Variants in NLGN4X observed in about 807,000 individuals in gnomAD.
NLGN4X encodes the protein neuroligin-4, X-linked.
NLGN4X carries 3 observed loss-of-function variants against 40.3 expected under a neutral mutation model. The ratio of observed to expected loss-of-function variants is 0.07; its 90% confidence interval spans 0.03 to 0.19. The LOEUF is 0.19. Among genes scored for constraint, NLGN4X ranks in the 10% least tolerant of loss-of-function variants. The pLI is 1.00. For missense variants in NLGN4X, 382 were observed against 708.3 expected, an observed-to-expected ratio of 0.54 and a Z score of 5.23; for synonymous variants, 270 against 306.8, an observed-to-expected ratio of 0.88 and a Z score of 1.25.
chrX:6,113,694 C>CAA (rs749113403), intron 2 of NLGN4X, among the ~76,000 whole-genome samples: 34,221 of 91,474 alleles, frequency 0.37, 5,223 homozygotes, highest in Non-Finnish European at 0.45. Flanking sequence ...GTGCTTGTTT[C>CAA]AAAAAAAAAA....
chrX:5,917,819 C>G (rs1031016688), intron 3 of NLGN4X, among the ~76,000 whole-genome samples: 9 of 112,293 alleles, frequency 8.0e-5, no homozygotes, highest in Non-Finnish European at 1.7e-4. Flanking sequence ...AAATTAGACT[C>G]TGACTCTAAA....
chrX:5,964,521 T>C (rs2034762880), intron 3 of NLGN4X, among the ~76,000 whole-genome samples: 2 of 112,194 alleles, frequency 1.8e-5, no homozygotes, highest in South Asian at 7.4e-4. Context: ...CTCACTTGTT[T>C]TCTGAAACAT....
intron 2 of NLGN4X, among the ~76,000 whole-genome samples, chrX:6,096,066 G>A (rs1421432451): frequency 8.9e-6 from 1 of 112,014 alleles, no homozygotes; most frequent in African/African-American, 3.3e-5. Flanking sequence ...CTGTCTGTAG[G>A]TACAAAATCC....
chrX:6,064,215 G>A (rs1013113644), intron 2 of NLGN4X, among the ~76,000 whole-genome samples: 4 of 110,932 alleles, frequency 3.6e-5, no homozygotes, highest in Non-Finnish European at 5.7e-5. Context: ...AAAGGTTCTT[G>A]CAAAGTTGGG....
At chrX:6,083,633 C>T (rs771208806) in intron 2 of NLGN4X, among the ~76,000 whole-genome samples, 15 of 111,900 alleles carry the variant, frequency 1.3e-4, no homozygotes, top group African/African-American at 4.9e-4. Flanking sequence ...CAGCACATAG[C>T]TAGGAATGTT....
At chrX:5,977,330 A>G (rs1397847090) in intron 3 of NLGN4X, among the ~76,000 whole-genome samples, 1 of 110,893 alleles carries the variant, frequency 9.0e-6, no homozygotes, top group African/African-American at 3.3e-5. Flanking sequence ...AAGTGATCCT[A>G]TTGCCTCAGT....
intron 1 of NLGN4X, among the ~76,000 whole-genome samples, chrX:6,170,952 T>C (rs2040593727): frequency 9.0e-6 from 1 of 111,019 alleles, no homozygotes. Flanking sequence ...GCCTCTGCAG[T>C]AACTGGGACT....
At chrX:6,130,698 T>C (rs1391269311) in intron 2 of NLGN4X, among the ~76,000 whole-genome samples, 1 of 113,033 alleles carries the variant, frequency 8.8e-6, no homozygotes, top group African/African-American at 3.2e-5. Flanking sequence ...CAGAGGCCAT[T>C]ATTTTAAAAG....
At chrX:6,133,326 T>C (rs1476795306) in intron 2 of NLGN4X, among the ~76,000 whole-genome samples, 2 of 111,661 alleles carry the variant, frequency 1.8e-5, no homozygotes, top group African/African-American at 3.3e-5. Flanking sequence ...GTGTTTTGTT[T>C]ACATTGATTT....
chrX:5,938,966 CGTGT>C (rs60927853), intron 3 of NLGN4X, among the ~76,000 whole-genome samples: 1,525 of 101,907 alleles, frequency 0.015, 21 homozygotes, highest in African/African-American at 0.05. Context: ...TGTGTGTGTG[CGTGT>C]GTGTGTGTGT....
rs1246282608 is a variant in NLGN4X at position 6,064,561 on chromosome X, G to T, written c.473-35129C>A. On this transcript the variant is annotated intron_variant, in intron 2 of 5. Coordinates refer to ENST00000381095, the MANE Select transcript of NLGN4X (RefSeq NM_181332.3). Reference sequence around the variant, plus strand: ...TGGAGAGGGAGAATCTTTAGCTGAGGAATCTTTAGCTGAAGCACGTGTGCA... The same window carrying T: ...TGGAGAGGGAGAATCTTTAGCTGAGTAATCTTTAGCTGAAGCACGTGTGCA... 4.5e-5 allele frequency among the ~76,000 whole-genome samples: 5 copies of T among 111,574 alleles called. No individual in the cohort carries two copies. The Admixed American group carries it at 4.8e-4, about 11-fold the overall frequency.
At chrX:6,108,671 G>A (rs752852452) in intron 2 of NLGN4X, among the ~76,000 whole-genome samples, 7 of 109,237 alleles carry the variant, frequency 6.4e-5, no homozygotes, top group South Asian at 4.0e-4. Context: ...GTGACAAAGC[G>A]AGAATCTGTT....
At chrX:5,976,842 T>C (rs1444761724) in intron 3 of NLGN4X, among the ~76,000 whole-genome samples, 1 of 112,983 alleles carries the variant, frequency 8.9e-6, no homozygotes, top group Non-Finnish European at 1.9e-5. Flanking sequence ...AATGTTCACA[T>C]TGTGCGTACT....
At chrX:5,934,083 GTCTACTCTCTGTT>G (rs2033652644) in intron 3 of NLGN4X, among the ~76,000 whole-genome samples, 1 of 111,473 alleles carries the variant, frequency 9.0e-6, no homozygotes, top group Non-Finnish European at 1.9e-5. Context: ...ACAACCATGA[GTCTACTCTCTGTT>G]TCTCTGAGTT....
At chrX:6,084,694 G>A (rs2038454428) in intron 2 of NLGN4X, among the ~76,000 whole-genome samples, 1 of 110,422 alleles carries the variant, frequency 9.1e-6, no homozygotes, top group African/African-American at 3.3e-5. Context: ...GACAATGGCA[G>A]GTGTTTAGGT....
At chrX:6,062,252 A>G (rs1162491575) in intron 2 of NLGN4X, among the ~76,000 whole-genome samples, 4 of 111,265 alleles carry the variant, frequency 3.6e-5, no homozygotes, top group Non-Finnish European at 5.7e-5. Flanking sequence ...CACACTCCAC[A>G]TCCATATAAC....
At chrX:5,962,236 G>T (rs902805059) in intron 3 of NLGN4X, among the ~76,000 whole-genome samples, 1 of 111,862 alleles carries the variant, frequency 8.9e-6, no homozygotes, top group Non-Finnish European at 1.9e-5. Flanking sequence ...TTCTAATAAC[G>T]CCTAAACCTG....
At chrX:6,117,425 A>G (rs1312740079) in intron 2 of NLGN4X, among the ~76,000 whole-genome samples, 4 of 109,967 alleles carry the variant, frequency 3.6e-5, no homozygotes, top group African/African-American at 6.7e-5. Context: ...CTCTCAATCC[A>G]TCTCCTAGTT....
intron 2 of NLGN4X, among the ~76,000 whole-genome samples, chrX:6,127,785 G>A (rs928321305): frequency 3.6e-5 from 4 of 112,016 alleles, no homozygotes; most frequent in Non-Finnish European, 7.5e-5. Context: ...ATGTTTTTGT[G>A]ATGTTGGGGT....
Sources: gnomAD v4.1 joint callset for allele counts (sites outside exome capture counted in the v4.1 genomes callset) on GRCh38, gnomAD v4.1.1 for gene constraint, MANE v1.5 for transcripts, NCBI Gene and HGNC (gene_info 2026-07-23, HGNC 2026-07-21) for gene names.